DGKB: variants seen among roughly 807,000 people sequenced by gnomAD.
DGKB encodes the protein diacylglycerol kinase beta, also known as 90 kDa diacylglycerol kinase.
DGKB carries 67 observed loss-of-function variants against 114.3 expected under a neutral mutation model. The observed-to-expected ratio is 0.59, with a 90% CI of 0.48 to 0.72. The LOEUF (loss-of-function observed/expected upper bound fraction) is 0.72, where lower values mean the gene tolerates loss of function less well. Among genes scored for constraint, DGKB ranks in the 30% least tolerant of loss-of-function variants. The probability of loss-of-function intolerance (pLI) is 0.00; values close to 1 mark genes in which losing one functional copy is unlikely to be tolerated. For synonymous variants in DGKB, 398 were observed against 323.1 expected (o/e 1.23, Z -2.49); for missense variants, 907 against 975.2 (o/e 0.93, Z 0.93).
chr7:14,661,167 C>G (rs902388268), intron 13 of DGKB, among the ~76,000 whole-genome samples: 2 of 151,832 alleles, frequency 1.3e-5, no homozygotes, highest in African/African-American at 4.8e-5. Flanking sequence ...GTCTAAAACA[C>G]CAAAAGCAAT....
At chr7:14,763,158 A>T (rs1344721453) in intron 2 of DGKB, among the ~76,000 whole-genome samples, 3 of 151,388 alleles carry the variant, frequency 2.0e-5, no homozygotes, top group African/African-American at 7.3e-5. Flanking sequence ...TTTGCTGATG[A>T]TTTTTTTTTC....
At chr7:14,710,972 T>C (rs1006738932) in intron 6 of DGKB, among the ~76,000 whole-genome samples, 2 of 152,086 alleles carry the variant, frequency 1.3e-5, no homozygotes, top group African/African-American at 4.8e-5. Flanking sequence ...CTTTAATTTC[T>C]TTAATTAAAT....
At chr7:14,966,814 A>G (rs1276810453) in intron 1 of DGKB, among the ~76,000 whole-genome samples, 1 of 152,182 alleles carries the variant, frequency 6.6e-6, no homozygotes, top group Non-Finnish European at 1.5e-5. Context: ...ATTGAGAATC[A>G]GAGAAGGGGC....
chr7:14,547,580 G>C (rs1794482617), intron 20 of DGKB, among the ~76,000 whole-genome samples: 1 of 152,230 alleles, frequency 6.6e-6, no homozygotes, highest in East Asian at 1.9e-4. Flanking sequence ...CTAAGGAGCT[G>C]TTCTGACCCT....
chr7:14,389,222 T>A (rs1056273679), intron 21 of DGKB, among the ~76,000 whole-genome samples: 1 of 152,214 alleles, frequency 6.6e-6, no homozygotes, highest in Non-Finnish European at 1.5e-5. Context: ...GACCGAGGAA[T>A]CATGGAAAAT....
At chr7:14,489,333 C>T (rs751214673) in intron 20 of DGKB, among the ~76,000 whole-genome samples, 51 of 152,114 alleles carry the variant, frequency 3.4e-4, no homozygotes, top group Non-Finnish European at 5.7e-4. Flanking sequence ...TAAAACTGTT[C>T]ATTTCACAGT....
Position 14,225,845 on chromosome 7 carries a change from C to T in DGKB, c.2123-47694G>A, listed in dbSNP as rs148095780. Among the ~76,000 whole-genome samples, 22 of 151,844 alleles carry T rather than the reference C, an allele frequency of 1.4e-4. No individual in the cohort carries two copies. The East Asian group carries it at 4.1e-3, about 28-fold the overall frequency. ...GTCAAATTTATGATAATAAAATGTG[C>T]TATTATTATATAAAGGGAATTATTT... On this transcript the variant is annotated intron_variant, in intron 23 of 25. Transcript: ENST00000402815.
At chr7:14,746,555 A>G (rs552649867) in intron 4 of DGKB, among the ~76,000 whole-genome samples, 6 of 151,826 alleles carry the variant, frequency 4.0e-5, no homozygotes, top group African/African-American at 1.2e-4. Flanking sequence ...CTGGAGTGCA[A>G]TGGCGTGATC....
chr7:14,910,339 A>AAAAAC (rs145982113), intron 1 of DGKB, among the ~76,000 whole-genome samples: 24 of 151,814 alleles, frequency 1.6e-4, no homozygotes, highest in African/African-American at 3.6e-4. Flanking sequence ...GGAGAAGGCA[A>AAAAAC]AAAACAAAAC....
intron 1 of DGKB, among the ~76,000 whole-genome samples, chr7:14,955,031 G>T (rs1309384170): frequency 6.6e-6 from 1 of 152,062 alleles, no homozygotes; most frequent in Non-Finnish European, 1.5e-5. Context: ...AAGAGAATCA[G>T]CTAAGGAGTC....
At position 14,149,078 on chromosome 7, in the gene DGKB, G is replaced by A; in HGVS notation, c.*53C>T. The A allele has an allele frequency of 6.8e-7, 1 of 1,462,164 alleles. No individual in the cohort carries two copies. Among genetic ancestry groups the A allele is most frequent in the Non-Finnish European group, 9.6e-7 (1 of 1,042,398 alleles). 90.6% of individuals were successfully genotyped at this position (1,462,164 alleles called of 1,614,324 possible). On this transcript the variant is annotated 3_prime_UTR_variant, in exon 26 of 26. Transcript: ENST00000402815. The stretch of plus-strand genomic sequence containing the variant: ...TGGTTCAAAGATTTCCAGCATATGT[G>A]TTCCATGGCCCAATTATGCTAATTC...
intron 2 of DGKB, chr7:14,816,551 G>A (rs888542682): frequency 6.6e-6 from 1 of 152,170 alleles, no homozygotes; most frequent in Non-Finnish European, 1.5e-5. Flanking sequence ...AAAGAGCATG[G>A]ATTATGGAAT....
chr7:14,423,466 A>G (rs1827032529), intron 21 of DGKB, among the ~76,000 whole-genome samples: 1 of 152,188 alleles, frequency 6.6e-6, no homozygotes, highest in South Asian at 2.1e-4. Context: ...TTACAAAATG[A>G]GTGTTCAAAT....
chr7:14,422,894 G>A (rs143862799), intron 21 of DGKB, among the ~76,000 whole-genome samples: 2 of 152,066 alleles, frequency 1.3e-5, no homozygotes, highest in East Asian at 3.9e-4. Flanking sequence ...ATGCGGTTAA[G>A]TTCTTTACAT....
At chr7:14,639,822 G>A (rs954781228) in intron 13 of DGKB, among the ~76,000 whole-genome samples, 1 of 152,028 alleles carries the variant, frequency 6.6e-6, no homozygotes, top group African/African-American at 2.4e-5. Flanking sequence ...CCAAATCTTG[G>A]CTTAATGCTC....
At chr7:14,352,922 T>C (rs1222717940) in intron 21 of DGKB, among the ~76,000 whole-genome samples, 1 of 150,942 alleles carries the variant, frequency 6.6e-6, no homozygotes. Flanking sequence ...AAACTCTGTC[T>C]CAAAAACAAA....
At chr7:14,734,865 T>C (rs1483292537) in intron 5 of DGKB, among the ~76,000 whole-genome samples, 1 of 152,084 alleles carries the variant, frequency 6.6e-6, no homozygotes. Context: ...GAAACACTGC[T>C]GAAGACATTT....
intron 9 of DGKB, among the ~76,000 whole-genome samples, chr7:14,693,568 G>C (rs761391666): frequency 5.3e-5 from 8 of 150,662 alleles, no homozygotes; most frequent in Non-Finnish European, 1.0e-4. Flanking sequence ...AAAAGTCATT[G>C]CGTTTTCTGC....
chr7:14,414,757 T>G (rs1563134217), intron 21 of DGKB, among the ~76,000 whole-genome samples: 1 of 152,136 alleles, frequency 6.6e-6, no homozygotes, highest in Non-Finnish European at 1.5e-5. Context: ...AGTCCTTGAC[T>G]TCATTCTAAA....
Sources: allele counts gnomAD v4.1 joint callset (sites outside exome capture counted in the v4.1 genomes callset), GRCh38; gene constraint gnomAD v4.1.1; transcripts MANE v1.5; gene names NCBI Gene and HGNC (gene_info 2026-07-23, HGNC 2026-07-21).